The following ATG2B variants were observed in gnomAD, a reference collection of about 807,000 sequenced individuals.
The protein encoded by ATG2B is autophagy related 2B, also known as autophagy-related protein 2 homolog B.
Under a neutral mutation model 241.3 loss-of-function variants are expected in ATG2B, and 121 were observed. The ratio of observed to expected loss-of-function variants is 0.50; its 90% CI spans 0.43 to 0.58. The LOEUF (loss-of-function observed/expected upper bound fraction) is 0.58. Among genes scored for constraint, ATG2B ranks in the 20% least tolerant of loss-of-function variants. The pLI is 0.00. For missense variants in ATG2B, 2,306 were observed against 2,491.6 expected, an observed-to-expected ratio of 0.93 and a Z score of 1.59; for synonymous variants, 858 against 876.6, an observed-to-expected ratio of 0.98 and a Z score of 0.37.
intron 24 of ATG2B, 81 bp from the exon 25 acceptor site, chr14:96,313,238 T>C: frequency 7.4e-7 from 1 of 1,352,666 alleles, no homozygotes; most frequent in Non-Finnish European, 1.0e-6. Flanking sequence ...ACAACAACAA[T>C]TTGAACCTTA....
chr14:96,305,658 A>G lies in ATG2B; in HGVS notation c.4664T>C (p.Leu1555Pro), dbSNP rs754097097. The change falls in exon 31 of 42, where the codon CTT becomes CCT. Residue 1555 changes from leucine (L) to proline (P), a missense_variant. Coordinates refer to ENST00000359933, the MANE Select transcript of ATG2B (RefSeq NM_018036.7). ...CTTTCCTCCATAAAGATGCCAGACA[A>G]GAGAGACCTCCTTCACCACATAGCG... ...VIRYVVKEVS[L>P]VWHLYGGKDF... The G allele has an allele frequency of 6.2e-7, 1 of 1,614,194 alleles. No individual in the cohort carries two copies. The highest frequency in any genetic ancestry group is 8.5e-7 in the Non-Finnish European group (1 of 1,180,006).
chr14:96,288,794 C>T (rs942515294), intron 41 of ATG2B, among the ~76,000 whole-genome samples: 23 of 146,158 alleles, frequency 1.6e-4, no homozygotes, highest in Admixed American at 5.0e-4. Context: ...GGGAATGACG[C>T]TGACAACACC....
intron 31 of ATG2B, 68 bp from the exon 32 acceptor site, chr14:96,304,671 CA>C: frequency 8.3e-7 from 1 of 1,200,210 alleles, no homozygotes; most frequent in Non-Finnish European, 1.2e-6. Context: ...CAATGAATGA[CA>C]TTAAGGAAAA....
chr14:96,331,843 T>G (rs1049161556), intron 10 of ATG2B, among the ~76,000 whole-genome samples: 5 of 152,174 alleles, frequency 3.3e-5, no homozygotes, highest in Non-Finnish European at 7.4e-5. Context: ...CAAGAGTACG[T>G]GACAACAGTA....
In ATG2B at chr14:96,291,510, G is replaced by A. The variant is rs1886482626; in HGVS notation, c.5579+90C>T. The A allele has an allele frequency of 3.5e-6, 3 of 854,074 alleles. No homozygotes were observed. The Admixed American group carries it at 6.5e-5, about 18-fold the overall frequency. 52.9% of individuals were successfully genotyped at this position (854,074 alleles called of 1,614,324 possible). A position where few individuals can be genotyped will look rare whatever the true frequency, so the allele number is the denominator to read the frequency against. On this transcript the variant is annotated intron_variant, in intron 38 of 41. Transcript: ENST00000359933. Reference sequence around the variant, plus strand: ...TCTAAATAAAATACTGTAAAATTGTGTATGCATGCTAAGAAAACTCAGTTT... The same window carrying A: ...TCTAAATAAAATACTGTAAAATTGTATATGCATGCTAAGAAAACTCAGTTT...
chr14:96,328,870 T>C, intron 12 of ATG2B, 104 bp from the exon 13 acceptor site: 1 of 820,552 alleles, frequency 1.2e-6, no homozygotes. Context: ...AAATCTGGTT[T>C]TAAGTTTCAT....
At chr14:96,288,879 C>T (rs1277400701) in intron 41 of ATG2B, among the ~76,000 whole-genome samples, 5 of 150,480 alleles carry the variant, frequency 3.3e-5, no homozygotes, top group African/African-American at 4.9e-5. Flanking sequence ...TAATACATGT[C>T]GAGATTCCAA....
chr14:96,286,855 G>T (rs904634904), intron 41 of ATG2B, among the ~76,000 whole-genome samples: 1 of 152,080 alleles, frequency 6.6e-6, no homozygotes, highest in Non-Finnish European at 1.5e-5. Context: ...GGGAAATCAA[G>T]GACCTTGAAC....
In ATG2B at chr14:96,295,184, C is replaced by CA. The variant is rs1332957695; in HGVS notation, c.5219-18dup. ...ACTTTTTAACTGAAAATGTAATGTG[C>CA]ATGTTTGAAAAATTAGATATGCTTC... is the stretch of plus-strand genomic sequence containing the variant. On this transcript the variant is annotated splice_polypyrimidine_tract_variant and intron_variant, in intron 35 of 41. Transcript: ENST00000359933. The CA allele has an allele frequency of 6.3e-7, 1 of 1,597,834 alleles. No individual in the cohort carries two copies. Among genetic ancestry groups the CA allele is most frequent in the Non-Finnish European group, 8.6e-7 (1 of 1,168,472 alleles).
chr14:96,328,253 A>T, intron 14 of ATG2B, 94 bp downstream of exon 14: 2 of 783,134 alleles, frequency 2.6e-6, no homozygotes, highest in East Asian at 2.7e-5. Context: ...TATACTGTTT[A>T]ATCTATTAAA....
intron 7 of ATG2B, among the ~76,000 whole-genome samples, chr14:96,334,139 G>A (rs1887811256): frequency 6.6e-6 from 1 of 152,102 alleles, no homozygotes; most frequent in Non-Finnish European, 1.5e-5. Flanking sequence ...TTTCTCGATT[G>A]TATGAAGTAC....
chr14:96,289,591 C>T lies in ATG2B; in HGVS notation c.6006+65G>A, dbSNP rs1467424329. 95 of 1,577,148 alleles carry T rather than the reference C, an allele frequency of 6.0e-5. No individual in the cohort carries two copies. Among genetic ancestry groups the T allele is most frequent in the Middle Eastern group, 3.7e-4 (2 of 5,334 alleles). On this transcript the variant is annotated intron_variant, in intron 41 of 41. Transcript: ENST00000359933. This position sits in a 1 kb window ranked among gnomAD's most constrained non-coding sequence, Gnocchi z 4.3. The stretch of plus-strand genomic sequence containing the variant: ...GAATACATTTAAGCCATTAAATGCT[C>T]TTTAGGTGAAAGTTGGGAAAGCGCA...
At chr14:96,342,816 C>A (rs1048387373) in intron 5 of ATG2B, among the ~76,000 whole-genome samples, 9 of 151,650 alleles carry the variant, frequency 5.9e-5, no homozygotes, top group African/African-American at 1.2e-4. Flanking sequence ...TAAAAATATT[C>A]AAAAATCTGA....
At chr14:96,326,013 T>C in intron 14 of ATG2B, 91 bp from the exon 15 acceptor site, 1 of 1,237,376 alleles carries the variant, frequency 8.1e-7, no homozygotes, top group Non-Finnish European at 1.1e-6. Flanking sequence ...GTATAATCAC[T>C]ATCTCCCCAT....
chr14:96,312,213 A>G, intron 25 of ATG2B, 54 bp from the exon 26 acceptor site: 1 of 1,256,710 alleles, frequency 8.0e-7, no homozygotes, highest in East Asian at 2.3e-5. Flanking sequence ...TGAGTATCAT[A>G]CCCCATAATC....
In ATG2B at chr14:96,290,672, A is replaced by G; in HGVS notation, c.5702-82T>C. On this transcript the variant is annotated intron_variant, in intron 39 of 41. Transcript: ENST00000359933. This position sits in a 1 kb window ranked among gnomAD's most constrained non-coding sequence, Gnocchi z 4.4. ...TCTAACCCTGGGGTTTTTAACTCCT[A>G]AAACTGGAGGCAAAGTTTTGTGTAT... 6.4e-7 allele frequency: 1 copy of G among 1,572,454 alleles called. No homozygotes were observed. The highest frequency in any genetic ancestry group is 1.8e-5 in the Admixed American group (1 of 54,120).
chr14:96,322,432 T>C, intron 17 of ATG2B, 108 bp downstream of exon 17: 2 of 1,339,124 alleles, frequency 1.5e-6, no homozygotes, highest in Non-Finnish European at 1.0e-6. Flanking sequence ...GTTTAAGACC[T>C]AGCAAAAACA....
chr14:96,362,912 AG>A lies in ATG2B; in HGVS notation c.64del (p.Leu22TrpfsTer9). On this transcript the variant is annotated frameshift_variant, in exon 1 of 42. Coordinates refer to ENST00000359933, the MANE Select transcript of ATG2B (RefSeq NM_018036.7). LOFTEE classifies it high-confidence loss of function. ...RACRYLLQRY[L>X]GHFLQEKLSL... ...CAGCTTCTCCTGCAGAAAGTGGCCC[AG>A]GTACCTCTGCAGGAGGTACCGGCAG... The A allele has an allele frequency of 6.2e-7, 1 of 1,613,684 alleles. No homozygotes were observed. Among genetic ancestry groups the A allele is most frequent in the Non-Finnish European group, 8.5e-7 (1 of 1,179,966 alleles).
rs1217062898 is a variant in ATG2B at position 96,280,650 on chromosome 14, G to A, written c.*5105C>T. Reference sequence around the variant, plus strand: ...TGCCTGTAATCCCAGCATTTTTGGAGGCTGAGGTCAAGAGTTCGAGACCAG... The same window carrying A: ...TGCCTGTAATCCCAGCATTTTTGGAAGCTGAGGTCAAGAGTTCGAGACCAG... On this transcript the variant is annotated 3_prime_UTR_variant, in exon 42 of 42. Coordinates refer to ENST00000359933, the MANE Select transcript of ATG2B (RefSeq NM_018036.7). The A allele has an allele frequency of 3.3e-5, 5 of 152,118 alleles. No individual in the cohort carries two copies. Among genetic ancestry groups the A allele is most frequent in the African/African-American group, 1.2e-4 (5 of 41,424 alleles). 9.4% of individuals were successfully genotyped at this position (152,118 alleles called of 1,614,324 possible).
Sources: allele counts gnomAD v4.1 joint callset (sites outside exome capture counted in the v4.1 genomes callset), GRCh38; gene constraint gnomAD v4.1.1; non-coding constraint Gnocchi (gnomAD v3.1); transcripts MANE v1.5; gene names NCBI Gene and HGNC (gene_info 2026-07-23, HGNC 2026-07-21).